NAV1: variants seen among roughly 807,000 people sequenced by gnomAD.
NAV1 encodes the protein pore membrane and/or filament interacting like protein 3.
Under a neutral mutation model 175.2 loss-of-function variants are expected in NAV1, and 18 were observed. The observed-to-expected ratio is 0.10, with a 90% CI of 0.07 to 0.15. The LOEUF (loss-of-function observed/expected upper bound fraction) is 0.15, where lower values mean the gene tolerates loss of function less well. Among genes scored for constraint, NAV1 ranks in the 10% least tolerant of loss-of-function variants. NAV1 has a pLI of 1.00. For synonymous variants in NAV1, 897 were observed against 978.7 expected, an observed-to-expected ratio of 0.92 and a Z score of 1.56; for missense variants, 1,731 against 2,436.6, an observed-to-expected ratio of 0.71 and a Z score of 6.10.
At chr1:201,803,815 T>G in intron 16 of NAV1, 101 bp downstream of exon 20, 1 of 1,448,768 alleles carries the variant, frequency 6.9e-7, no homozygotes, top group Non-Finnish European at 9.4e-7. Context: ...CAAGGTGTAG[T>G]CCCGTCTAAC....
chr1:201,661,700 T>C (rs1669620358), intron 1 of NAV1, among the ~76,000 whole-genome samples: 1 of 152,168 alleles, frequency 6.6e-6, no homozygotes, highest in South Asian at 2.1e-4. Context: ...GGCACATGGC[T>C]GGTTCTGCAG....
chr1:201,678,719 C>A (rs1457304430), intron 1 of NAV1, among the ~76,000 whole-genome samples: 1 of 152,216 alleles, frequency 6.6e-6, no homozygotes, highest in East Asian at 1.9e-4. Flanking sequence ...CCTGCAAATT[C>A]ATTGTTTCTT....
intron 3 of NAV1, among the ~76,000 whole-genome samples, chr1:201,729,307 G>A (rs1393384271): frequency 2.0e-5 from 3 of 152,186 alleles, no homozygotes; most frequent in East Asian, 1.9e-4. Context: ...ATACGAATAC[G>A]GCAATAGTAT....
chr1:201,630,980 G>A (rs181000187), intron 2 of NAV1, among the ~76,000 whole-genome samples: 2 of 152,314 alleles, frequency 1.3e-5, no homozygotes, highest in Admixed American at 1.3e-4. Flanking sequence ...TTGCAGACTA[G>A]CATTAGGAAT....
chr1:201,652,514 C>T (rs561103902), intron 1 of NAV1, among the ~76,000 whole-genome samples: 4 of 152,282 alleles, frequency 2.6e-5, no homozygotes, highest in South Asian at 2.1e-4. Context: ...GACCCTGGCC[C>T]GATACTCACA....
At chr1:201,557,866 G>A (rs765065525) in intron 1 of NAV1, among the ~76,000 whole-genome samples, 8 of 152,168 alleles carry the variant, frequency 5.3e-5, no homozygotes, top group Non-Finnish European at 1.0e-4. Flanking sequence ...GGACTCCTCA[G>A]GGGCTGCGGA....
intron 1 of NAV1, among the ~76,000 whole-genome samples, chr1:201,710,821 T>C (rs990521477): frequency 6.6e-6 from 1 of 152,172 alleles, no homozygotes; most frequent in African/African-American, 2.4e-5. Flanking sequence ...AAGTAGATAA[T>C]GCATGCAAAG....
At position 201,783,447 on chromosome 1, in the gene NAV1, A is replaced by G. The variant is rs150728227; in HGVS notation, c.2399A>G (p.Asn800Ser). Residue 800 changes from asparagine (N) to serine (S), a missense_variant, in exon 7 of 30, where the codon AAT becomes AGT. Asn to Ser is a conservative substitution (Grantham distance 46, BLOSUM62 1). Around this residue, in one of 13 missense-constraint regions of NAV1, gnomAD observed 634 missense variants for 766.8 expected, o/e 0.83. Coordinates refer to ENST00000367296, the Ensembl canonical transcript of NAV1. Reference sequence around the variant, plus strand: ...TTTGTCAAACCACCCTCACTAGCCAATCTTGACAAGGTCAACTCCAACAGT... The same window carrying G: ...TTTGTCAAACCACCCTCACTAGCCAGTCTTGACAAGGTCAACTCCAACAGT... 6.1e-5 allele frequency: 98 copies of G among 1,614,062 alleles called. No individual in the cohort carries two copies. The highest frequency in any genetic ancestry group is 7.5e-5 in the Non-Finnish European group (88 of 1,179,984).
At position 201,808,252 on chromosome 1, in the gene NAV1, C is replaced by T. The variant is rs574651736; in HGVS notation, c.3845+103C>T. ...GACCTTAGACAAGCAGTACTTATTA[C>T]TGACCTCTCCCTGGGCATATGAGAC... On this transcript the variant is annotated intron_variant, in intron 18 of 29. Coordinates refer to ENST00000367296, the Ensembl canonical transcript of NAV1. The surrounding 1 kb of genome is among the most constrained non-coding windows in gnomAD (Gnocchi z 5.5). 7.1e-5 allele frequency: 101 copies of T among 1,426,882 alleles called. 2 individuals carry two copies. The Middle Eastern group carries it at 1.7e-3, about 24-fold the overall frequency. 88.4% of individuals were successfully genotyped at this position (1,426,882 alleles called of 1,614,324 possible). A position where few individuals can be genotyped will look rare whatever the true frequency, so the allele number is the denominator to read the frequency against.
intron 1 of NAV1, among the ~76,000 whole-genome samples, chr1:201,553,638 A>G (rs896706271): frequency 1.1e-4 from 16 of 152,332 alleles, no homozygotes; most frequent in African/African-American, 3.8e-4. Context: ...ATTTCCATCA[A>G]CCCACAGAAT....
chr1:201,562,991 G>A (rs1666247377), intron 1 of NAV1, among the ~76,000 whole-genome samples: 1 of 152,230 alleles, frequency 6.6e-6, no homozygotes, highest in African/African-American at 2.4e-5. Context: ...GTAATGCACA[G>A]GAACACGCAT....
intron 1 of NAV1, among the ~76,000 whole-genome samples, chr1:201,682,435 G>A (rs1023370067): frequency 6.6e-6 from 1 of 151,964 alleles, no homozygotes; most frequent in Non-Finnish European, 1.5e-5. Context: ...TTCTCCATTT[G>A]TCTGACAGCA....
In NAV1 at chr1:201,721,060, G is replaced by A. The variant is rs183539131; in HGVS notation, c.1226+2305G>A. 2.3e-3 allele frequency among the ~76,000 whole-genome samples: 350 copies of A among 152,012 alleles called. 1 individual carries two copies. Among genetic ancestry groups the A allele is most frequent in the East Asian group, 0.012 (64 of 5,168 alleles). Reference sequence around the variant, plus strand: ...TCCTCTGGACAGGATGTGTGTTCCCGAATCCATTTTTTAAAAATTAGAGTT... The same window carrying A: ...TCCTCTGGACAGGATGTGTGTTCCCAAATCCATTTTTTAAAAATTAGAGTT... On this transcript the variant is annotated intron_variant, in intron 3 of 29. Transcript: ENST00000367296.
rs1413865679 is a variant in NAV1, at chr1:201,803,573, C to T, written c.3518-20C>T. ...TCTCTAAATCTGTTCTATGTTTTTC[C>T]CACTTGTACTTGGCCCTAGAACTTC... On this transcript the variant is annotated intron_variant, in intron 15 of 29. Transcript: ENST00000367296. 9 of 1,608,816 alleles carry T rather than the reference C, an allele frequency of 5.6e-6. No individual in the cohort carries two copies. The Admixed American group carries it at 1.5e-4, about 27-fold the overall frequency.
chr1:201,763,967 C>T (rs1231954121), intron 3 of NAV1, among the ~76,000 whole-genome samples: 6 of 152,204 alleles, frequency 3.9e-5, no homozygotes, highest in South Asian at 4.1e-4. Context: ...GGGATTATTT[C>T]GCTGCCAAGT....
rs114644000 is a variant in NAV1 at position 201,582,920 on chromosome 1, A to G, written c.-143-5619A>G. ...CAGACTGCTCTCCTTCTGAGATCCAATCACACCCCACTCTCTGATCTTAAC... is the reference window on the plus strand; with the variant it reads ...CAGACTGCTCTCCTTCTGAGATCCAGTCACACCCCACTCTCTGATCTTAAC... On this transcript the variant is annotated intron_variant, in intron 1 of 33. Transcript: ENST00000685211. 5.2e-4 allele frequency among the ~76,000 whole-genome samples: 79 copies of G among 152,336 alleles called. 1 individual carries two copies. The highest frequency in any genetic ancestry group is 1.7e-3 in the African/African-American group (69 of 41,574).
At chr1:201,657,959 G>C (rs1051355566) in intron 1 of NAV1, among the ~76,000 whole-genome samples, 2 of 152,152 alleles carry the variant, frequency 1.3e-5, no homozygotes, top group African/African-American at 4.8e-5. Context: ...CTTGAGCCCG[G>C]GAGGTGGAGG....
At chr1:201,727,355 A>G (rs980759673) in intron 3 of NAV1, among the ~76,000 whole-genome samples, 7 of 152,234 alleles carry the variant, frequency 4.6e-5, no homozygotes, top group Non-Finnish European at 7.3e-5. Context: ...GTTTGCCAAG[A>G]AAGATGGATT....
At chr1:201,777,576 C>T (rs2102695263) in intron 3 of NAV1, among the ~76,000 whole-genome samples, 1 of 150,748 alleles carries the variant, frequency 6.6e-6, no homozygotes, top group East Asian at 1.9e-4. Flanking sequence ...AAAGGTCTTG[C>T]TCTGTCACTC....
Sources: gnomAD v4.1 joint callset for allele counts (sites outside exome capture counted in the v4.1 genomes callset) on GRCh38, gnomAD v4.1.1 for gene constraint, gnomAD v4.1.1 regional missense constraint, Gnocchi (gnomAD v3.1) non-coding constraint, MANE v1.5 for transcripts, NCBI Gene and HGNC (gene_info 2026-07-23, HGNC 2026-07-21) for gene names.